The following KLHL15 variants were observed in gnomAD, a reference collection of about 807,000 sequenced individuals.
KLHL15 encodes the protein kelch like family member 15.
A neutral mutation model predicts 29.3 loss-of-function variants in KLHL15; 1 was observed. The observed-to-expected ratio is 0.03, with a 90% confidence interval of 0.01 to 0.16. KLHL15 has a LOEUF of 0.16. KLHL15 is among the 10% of genes least tolerant of loss of function. The pLI is 1.00. For missense variants in KLHL15, 215 were observed against 478.5 expected (o/e 0.45, Z 5.14); for synonymous variants, 212 against 184.5 (o/e 1.15, Z -1.21).
chrX:23,993,454 C>T (rs1366969676), intron 3 of KLHL15, among the ~76,000 whole-genome samples: 1 of 111,498 alleles, frequency 9.0e-6, no homozygotes, highest in African/African-American at 3.3e-5. Context: ...TGTAACAGCA[C>T]TGATAGAGAA....
chrX:23,995,828 C>A (rs779792587), intron 3 of KLHL15, among the ~76,000 whole-genome samples: 2 of 111,741 alleles, frequency 1.8e-5, no homozygotes, highest in South Asian at 7.5e-4. Flanking sequence ...TGGCTCACTG[C>A]AACCTCCACC....
rs755965485 is a variant in KLHL15 at position 24,006,181 on chromosome X, A to G, written c.513T>C (p.Phe171=). The stretch of plus-strand genomic sequence containing the variant: ...GCTTCTCAAAGCTCAGATAGGACAG[A>G]AAGTCAGGCCTAGACATGAGTGGCA... ...NFVPLMSRPD[F]LSYLSFEKLM... The change falls in exon 3 of 4, where the codon TTT becomes TTC. Residue 171 remains phenylalanine, a synonymous_variant. Coordinates refer to ENST00000328046, the MANE Select transcript of KLHL15 (RefSeq NM_030624.3). 1 of 1,211,912 alleles carries G rather than the reference A, an allele frequency of 8.3e-7. No homozygotes were observed. Among genetic ancestry groups the G allele is most frequent in the Non-Finnish European group, 1.1e-6 (1 of 895,561 alleles).
At chrX:24,025,354 G>A (rs1929904678) in intron 1 of KLHL15, among the ~76,000 whole-genome samples, 1 of 107,329 alleles carries the variant, frequency 9.3e-6, no homozygotes, top group Admixed American at 9.6e-5. Flanking sequence ...GGAAAGGGGC[G>A]GGGAAGGGGC....
rs1341721336 is a variant in KLHL15 at position 23,987,192 on chromosome X, A to C, written c.*729T>G. 1 of 112,094 alleles carries C rather than the reference A, an allele frequency of 8.9e-6. No homozygotes were observed. The highest frequency in any genetic ancestry group is 2.8e-4 in the East Asian group (1 of 3,595). 9.2% of individuals were successfully genotyped at this position (112,094 alleles called of 1,213,427 possible). The stretch of plus-strand genomic sequence containing the variant: ...CTCCAGTTATTTCAACTTTCTAAAA[A>C]TGTTAATATGTGAAAAGACGTTACA... On this transcript the variant is annotated 3_prime_UTR_variant, in exon 4 of 4. Coordinates refer to ENST00000328046, the MANE Select transcript of KLHL15 (RefSeq NM_030624.3).
chrX:24,022,879 C>A (rs1569271179), intron 2 of KLHL15, among the ~76,000 whole-genome samples: 1 of 108,222 alleles, frequency 9.2e-6, no homozygotes, highest in Non-Finnish European at 1.9e-5. Context: ...GGATTACAGG[C>A]GCCCGCCACC....
intron 1 of KLHL15, among the ~76,000 whole-genome samples, chrX:24,025,646 C>T (rs919318656): frequency 1.9e-5 from 2 of 105,921 alleles, no homozygotes; most frequent in Non-Finnish European, 3.9e-5. Context: ...CCTGGTCGAG[C>T]GCCAATGCCG....
In KLHL15 at chrX:24,001,300, T is replaced by G. The variant is rs1442348188; in HGVS notation, c.705+4689A>C. On this transcript the variant is annotated intron_variant, in intron 3 of 3. Coordinates refer to ENST00000328046, the MANE Select transcript of KLHL15 (RefSeq NM_030624.3). Reference sequence around the variant, plus strand: ...TTCCCTCTGAGAAAGTGAAAAGATTTTATGATTATGTAAGATACTGTATTT... The same window carrying G: ...TTCCCTCTGAGAAAGTGAAAAGATTGTATGATTATGTAAGATACTGTATTT... 4.5e-5 allele frequency among the ~76,000 whole-genome samples: 5 copies of G among 111,748 alleles called. No individual in the cohort carries two copies. In the East Asian group the frequency reaches 1.4e-3, roughly 31 times the overall value.
rs780869451 is a variant in KLHL15, at chrX:23,990,304, G to C, written c.706-1274C>G. The stretch of plus-strand genomic sequence containing the variant: ...TTACCAATAGGTAAATGAGTCAGGT[G>C]ACAATTAGGTATGAAGCCAAACAGC... On this transcript the variant is annotated intron_variant, in intron 3 of 3. Transcript: ENST00000328046. Among the ~76,000 whole-genome samples, 4 of 111,504 alleles carry C rather than the reference G, an allele frequency of 3.6e-5. No individual in the cohort carries two copies. In the East Asian group the frequency reaches 1.1e-3, roughly 31 times the overall value.
At chrX:24,001,002 T>C (rs1193365445) in intron 3 of KLHL15, among the ~76,000 whole-genome samples, 1 of 112,498 alleles carries the variant, frequency 8.9e-6, no homozygotes, top group East Asian at 2.8e-4. Context: ...TGAATATTCT[T>C]ATAATAAATT....
chrX:24,003,575 A>AAC (rs1462299441), intron 3 of KLHL15, among the ~76,000 whole-genome samples: 9 of 104,737 alleles, frequency 8.6e-5, no homozygotes, highest in African/African-American at 3.2e-4. Flanking sequence ...AAAAAAAAAA[A>AAC]CAAAAAAAAA....
At chrX:24,008,519 G>A (rs1457916501) in intron 2 of KLHL15, among the ~76,000 whole-genome samples, 1 of 112,298 alleles carries the variant, frequency 8.9e-6, no homozygotes, top group Non-Finnish European at 1.9e-5. Context: ...GGTTACAGGC[G>A]TGAGCCACTG....
At chrX:24,001,708 G>A (rs1455246423) in intron 3 of KLHL15, among the ~76,000 whole-genome samples, 2 of 101,463 alleles carry the variant, frequency 2.0e-5, no homozygotes. Flanking sequence ...GGAGGCTGAG[G>A]CAGGAGAATC....
At chrX:24,025,382 G>T (rs1021115087) in intron 1 of KLHL15, among the ~76,000 whole-genome samples, 2 of 106,160 alleles carry the variant, frequency 1.9e-5, no homozygotes, top group South Asian at 3.9e-4. Flanking sequence ...GCGGGGCCAC[G>T]AGCCGGGGGC....
At chrX:24,005,364 T>C (rs1256791637) in intron 3 of KLHL15, among the ~76,000 whole-genome samples, 1 of 112,327 alleles carries the variant, frequency 8.9e-6, no homozygotes, top group Non-Finnish European at 1.9e-5. Flanking sequence ...ATAGTCTACT[T>C]GTTTAGAAAT....
In KLHL15 at chrX:23,984,142, A is replaced by G. The variant is rs973105078; in HGVS notation, c.*3779T>C. The G allele has an allele frequency of 1.8e-5, 2 of 111,763 alleles. No individual in the cohort carries two copies. The highest frequency in any genetic ancestry group is 3.8e-5 in the Non-Finnish European group (2 of 53,147). 9.2% of individuals were successfully genotyped at this position (111,763 alleles called of 1,213,427 possible). A position where few individuals can be genotyped will look rare whatever the true frequency, so the allele number is the denominator to read the frequency against. ...AAATGCAGTTGTTCCCAAAATGTAA[A>G]AAGAAAACCAAAGAATTTAAGGGAG... On this transcript the variant is annotated 3_prime_UTR_variant, in exon 4 of 4. Coordinates refer to ENST00000328046, the MANE Select transcript of KLHL15 (RefSeq NM_030624.3).
chrX:23,988,929 A>C lies in KLHL15; in HGVS notation c.807T>G (p.Asp269Glu), dbSNP rs1472166249. 1 of 1,211,788 alleles carries C rather than the reference A, an allele frequency of 8.3e-7. No homozygotes were observed. The highest frequency in any genetic ancestry group is 2.2e-5 in the Admixed American group (1 of 45,998). Residue 269 changes from aspartate (D) to glutamate (E), a missense_variant, in exon 4 of 4, where the codon GAT (aspartate) becomes GAG (glutamate). Transcript: ENST00000328046. ...FQNVHQQPLLDMKSSRIRSAK... is the reference protein window; with the variant it reads ...FQNVHQQPLLEMKSSRIRSAK... The stretch of plus-strand genomic sequence containing the variant: ...CAGAACGGATGCGGCTTGACTTCAT[A>C]TCCAACAAAGGCTGCTGGTGAACAT...
At chrX:24,022,459 C>G (rs758940809) in intron 2 of KLHL15, among the ~76,000 whole-genome samples, 1 of 107,999 alleles carries the variant, frequency 9.3e-6, no homozygotes, top group South Asian at 4.1e-4. Flanking sequence ...CATGGTGAAA[C>G]CCCGTCTCTA....
intron 3 of KLHL15, among the ~76,000 whole-genome samples, chrX:23,995,807 T>C (rs1929176719): frequency 9.0e-6 from 1 of 111,067 alleles, no homozygotes; most frequent in South Asian, 3.8e-4. Context: ...TGGAGTACAA[T>C]GGTGCGATCT....
intron 2 of KLHL15, among the ~76,000 whole-genome samples, chrX:24,008,871 GA>G (rs58975658): frequency 1.1e-4 from 8 of 74,517 alleles, no homozygotes; most frequent in Non-Finnish European, 1.5e-4. Flanking sequence ...ACGCGTGTTA[GA>G]AAAAAAAAAA....
Sources: allele counts gnomAD v4.1 joint callset (sites outside exome capture counted in the v4.1 genomes callset), GRCh38; gene constraint gnomAD v4.1.1; transcripts MANE v1.5; gene names NCBI Gene and HGNC (gene_info 2026-07-23, HGNC 2026-07-21).